The following SLC22A3 variants were observed in gnomAD, a reference collection of about 807,000 sequenced individuals.
SLC22A3 encodes EMT organic cation transporter 3.
In SLC22A3, 51 loss-of-function variants were observed where a neutral mutation model predicts 59.1. The ratio of observed to expected loss-of-function variants is 0.86; its 90% CI spans 0.69 to 1.09. The LOEUF (loss-of-function observed/expected upper bound fraction) is 1.09, where lower values mean the gene tolerates loss of function less well. SLC22A3 is among the 50% of genes least tolerant of loss of function. SLC22A3 has a pLI of 0.00. For missense variants in SLC22A3, 711 were observed against 726.3 expected (o/e 0.98, Z 0.24); for synonymous variants, 325 against 292.0 (o/e 1.11, Z -1.15).
Position 160,451,083 on chromosome 6 carries a change from A to G in SLC22A3, c.*27A>G. The G allele has an allele frequency of 3.8e-6, 6 of 1,577,586 alleles. No individual in the cohort carries two copies. The highest frequency in any genetic ancestry group is 5.2e-6 in the Non-Finnish European group (6 of 1,158,200). ...GCCCCCGACAAAGACAGAAAGAAGG[A>G]GCTATCCAGGAGCTGATCCTCCTTG... On this transcript the variant is annotated 3_prime_UTR_variant, in exon 11 of 11. Transcript: ENST00000275300.
At chr6:160,362,791 G>A (rs1785062230) in intron 1 of SLC22A3, among the ~76,000 whole-genome samples, 1 of 152,222 alleles carries the variant, frequency 6.6e-6, no homozygotes, top group African/African-American at 2.4e-5. Flanking sequence ...GCACCAGCGC[G>A]TTAGGCTGCC....
At chr6:160,375,624 G>A (rs1252249000) in intron 1 of SLC22A3, among the ~76,000 whole-genome samples, 3 of 152,176 alleles carry the variant, frequency 2.0e-5, no homozygotes, top group African/African-American at 4.8e-5. Context: ...TATGATGAAA[G>A]TAGCTCACTT....
intron 1 of SLC22A3, among the ~76,000 whole-genome samples, chr6:160,374,002 TC>T (rs1785498564): frequency 1.3e-5 from 2 of 152,166 alleles, no homozygotes; most frequent in Non-Finnish European, 1.5e-5. Context: ...CAGCCCCCTT[TC>T]CAGGGGAGAG....
chr6:160,371,030 G>A (rs1160401970), intron 1 of SLC22A3, among the ~76,000 whole-genome samples: 1 of 152,066 alleles, frequency 6.6e-6, no homozygotes, highest in African/African-American at 2.4e-5. Context: ...ATCGCATTCT[G>A]TGTTTCTCTG....
rs1787454659 is a variant in SLC22A3 at position 160,415,642 on chromosome 6, C to T, written c.975+4796C>T. Among the ~76,000 whole-genome samples, 2 of 152,140 alleles carry T rather than the reference C, an allele frequency of 1.3e-5. No homozygotes were observed. Among genetic ancestry groups the T allele is most frequent in the African/African-American group, 4.8e-5 (2 of 41,436 alleles). On this transcript the variant is annotated intron_variant, in intron 5 of 10. Coordinates refer to ENST00000275300, the MANE Select transcript of SLC22A3 (RefSeq NM_021977.4). The surrounding 1 kb of genome is among the most constrained non-coding windows in gnomAD (Gnocchi z 4.1). ...AAGACGTTATCACTGTGTAAATGAC[C>T]TCATCCTTCACGACCTCTCTAATTC...
At chr6:160,441,670 G>T (rs1788546987) in intron 7 of SLC22A3, among the ~76,000 whole-genome samples, 1 of 139,066 alleles carries the variant, frequency 7.2e-6, no homozygotes, top group Admixed American at 7.5e-5. Context: ...TACTGGGCTT[G>T]ATTCTCTTCT....
At chr6:160,405,009 C>T (rs1055152304) in intron 2 of SLC22A3, among the ~76,000 whole-genome samples, 2 of 151,500 alleles carry the variant, frequency 1.3e-5, no homozygotes, top group African/African-American at 4.9e-5. Context: ...TTAGATACAA[C>T]ACCAAAAGCA....
At chr6:160,348,903 A>C (rs1583432047) in intron 1 of SLC22A3, 55 bp downstream of exon 1, 2 of 1,535,650 alleles carry the variant, frequency 1.3e-6, no homozygotes. Flanking sequence ...GCTGGCTCCC[A>C]GGCGGACAAG....
rs552625460 is a variant in SLC22A3, at chr6:160,440,227, T to C, written c.1289-2534T>C. 3.9e-5 allele frequency among the ~76,000 whole-genome samples: 6 copies of C among 152,362 alleles called. No individual in the cohort carries two copies. The East Asian group carries it at 1.2e-3, about 29-fold the overall frequency. The stretch of plus-strand genomic sequence containing the variant: ...CTGTCTGCCATCTTTAATTTGAGTT[T>C]ATTTAGGATGACCACAAACCTAGCA... On this transcript the variant is annotated intron_variant, in intron 7 of 10. Coordinates refer to ENST00000275300, the MANE Select transcript of SLC22A3 (RefSeq NM_021977.4).
chr6:160,418,262 A>G (rs28399108), intron 5 of SLC22A3, among the ~76,000 whole-genome samples: 34,366 of 151,998 alleles, frequency 0.23, 4,262 homozygotes, highest in African/African-American at 0.31. Context: ...AGCTTTCATC[A>G]TTCTCCTGGG....
intron 1 of SLC22A3, among the ~76,000 whole-genome samples, chr6:160,355,072 CA>C (rs527700083): frequency 1.4e-4 from 22 of 152,362 alleles, no homozygotes; most frequent in South Asian, 1.0e-3. Flanking sequence ...CTCCCCTCCA[CA>C]CCAATTCATC....
At chr6:160,380,807 A>G (rs752709816) in intron 1 of SLC22A3, among the ~76,000 whole-genome samples, 1 of 152,230 alleles carries the variant, frequency 6.6e-6, no homozygotes, top group Admixed American at 6.5e-5. Context: ...GGACACATAG[A>G]CTGAGAAGTG....
chr6:160,397,873 T>G (rs1388410869), intron 1 of SLC22A3, 106 bp from the exon 2 acceptor site: 1 of 856,774 alleles, frequency 1.2e-6, no homozygotes, highest in Non-Finnish European at 2.0e-6. Context: ...ATTTAAAGAG[T>G]ATATGAGCAA....
Position 160,407,169 on chromosome 6 carries a change from G to T in SLC22A3, c.662G>T (p.Gly221Val), listed in dbSNP as rs1787052030. 6.2e-7 allele frequency: 1 copy of T among 1,611,072 alleles called. No individual in the cohort carries two copies. The highest frequency in any genetic ancestry group is 1.7e-5 in the Admixed American group (1 of 59,676). ...TTCCTGCAAGGTGTATTTGGAAAGG[G>T]GACGTGGATGACTTGCTACGTGATT... is the stretch of plus-strand genomic sequence containing the variant. ...FRFLQGVFGKGTWMTCYVIVT... is the reference protein window; with the variant it reads ...FRFLQGVFGKVTWMTCYVIVT... Residue 221 changes from glycine to valine, a missense_variant, in exon 3 of 11, where the codon GGG becomes GTG. Coordinates refer to ENST00000275300, the MANE Select transcript of SLC22A3 (RefSeq NM_021977.4).
At chr6:160,349,327 C>T (rs538736511) in intron 1 of SLC22A3, among the ~76,000 whole-genome samples, 3 of 152,284 alleles carry the variant, frequency 2.0e-5, no homozygotes, top group African/African-American at 7.2e-5. Context: ...TTGAAGGCAG[C>T]AGCAGCTTTT....
At chr6:160,410,696 G>T (rs1317458964) in intron 4 of SLC22A3, 33 bp from the exon 5 acceptor site, 1 of 1,366,082 alleles carries the variant, frequency 7.3e-7, no homozygotes, top group South Asian at 1.2e-5. Context: ...GAAATTCCTA[G>T]ACATAACTCA....
chr6:160,387,847 T>C (rs559395485), intron 1 of SLC22A3, among the ~76,000 whole-genome samples: 1 of 152,354 alleles, frequency 6.6e-6, no homozygotes, highest in South Asian at 2.1e-4. Context: ...ACCCTTGTCC[T>C]GGAGATAATG....
In SLC22A3 at chr6:160,415,413, C is replaced by T. The variant is rs1202541716; in HGVS notation, c.975+4567C>T. Among the ~76,000 whole-genome samples, 1 of 152,164 alleles carries T rather than the reference C, an allele frequency of 6.6e-6. No homozygotes were observed. Among genetic ancestry groups the T allele is most frequent in the African/African-American group, 2.4e-5 (1 of 41,430 alleles). ...TGACAGGTATGACCAGTATAAATTA[C>T]TCATATTTTGTGATTCAAATACATA... On this transcript the variant is annotated intron_variant, in intron 5 of 10. Transcript: ENST00000275300. This position sits in a 1 kb window ranked among gnomAD's most constrained non-coding sequence, Gnocchi z 4.1.
At chr6:160,418,222 G>C (rs1274273403) in intron 5 of SLC22A3, among the ~76,000 whole-genome samples, 3 of 152,200 alleles carry the variant, frequency 2.0e-5, no homozygotes, top group African/African-American at 7.2e-5. Context: ...GGCAGAAAAA[G>C]GTGGGATAGG....
Sources: allele counts gnomAD v4.1 joint callset (sites outside exome capture counted in the v4.1 genomes callset), GRCh38; gene constraint gnomAD v4.1.1; non-coding constraint Gnocchi (gnomAD v3.1); transcripts MANE v1.5; gene names NCBI Gene and HGNC (gene_info 2026-07-23, HGNC 2026-07-21).